The following PHKB variants were observed in gnomAD, a reference collection of about 807,000 sequenced individuals.
PHKB encodes the protein phosphorylase kinase regulatory subunit beta.
PHKB carries 122 observed loss-of-function variants against 152.1 expected under a neutral mutation model. The observed-to-expected ratio is 0.80, with a 90% CI of 0.69 to 0.93. The LOEUF is 0.93. Among genes scored for constraint, PHKB ranks in the 40% least tolerant of loss-of-function variants. PHKB has a pLI of 0.00. For missense variants in PHKB, 1,304 were observed against 1,328.4 expected (o/e 0.98, Z 0.29); for synonymous variants, 436 against 464.9 (o/e 0.94, Z 0.80).
intron 7 of PHKB, among the ~76,000 whole-genome samples, chr16:47,548,606 C>CAAA (rs11333810): frequency 1.2e-5 from 1 of 83,548 alleles, no homozygotes; most frequent in Non-Finnish European, 2.8e-5. Flanking sequence ...GACTCCGTCT[C>CAAA]AAAAAAAAAA....
intron 26 of PHKB, among the ~76,000 whole-genome samples, chr16:47,677,959 C>G (rs1469014069): frequency 6.9e-6 from 1 of 144,354 alleles, no homozygotes; most frequent in Non-Finnish European, 1.5e-5. Flanking sequence ...GTGATATTCC[C>G]CTTCCTGTGT....
intron 7 of PHKB, among the ~76,000 whole-genome samples, chr16:47,579,765 T>C (rs916597810): frequency 3.9e-5 from 6 of 152,058 alleles, no homozygotes; most frequent in African/African-American, 1.2e-4. Flanking sequence ...AAATAAGAGA[T>C]AAGGTGATCA....
intron 4 of PHKB, 130 bp from the exon 5 acceptor site, chr16:47,511,535 G>T: frequency 1.4e-6 from 1 of 697,082 alleles, no homozygotes; most frequent in Non-Finnish European, 2.6e-6. Context: ...AAAAGGTAAC[G>T]TTTCTGCTTT....
chr16:47,584,463 T>G (rs1971902604), intron 8 of PHKB, among the ~76,000 whole-genome samples: 1 of 152,234 alleles, frequency 6.6e-6, no homozygotes, highest in Admixed American at 6.5e-5. Flanking sequence ...AAATTTATCT[T>G]TCTCTGTAGT....
chr16:47,515,122 G>T (rs763153811), intron 5 of PHKB, among the ~76,000 whole-genome samples: 1 of 152,166 alleles, frequency 6.6e-6, no homozygotes, highest in Non-Finnish European at 1.5e-5. Flanking sequence ...CATACTGCCT[G>T]TGGGGCCAGA....
At chr16:47,573,005 C>G (rs1567311469) in intron 7 of PHKB, among the ~76,000 whole-genome samples, 1 of 152,122 alleles carries the variant, frequency 6.6e-6, no homozygotes, top group Non-Finnish European at 1.5e-5. Context: ...GAGTGGGCAC[C>G]ATACTGGATG....
At chr16:47,641,226 C>A in intron 15 of PHKB, 136 bp downstream of exon 15, 1 of 733,164 alleles carries the variant, frequency 1.4e-6, no homozygotes, top group Non-Finnish European at 2.4e-6. Context: ...TCAAGGATAT[C>A]ATTAATATCA....
chr16:47,611,599 G>A (rs1162955176), intron 14 of PHKB, among the ~76,000 whole-genome samples: 1 of 151,970 alleles, frequency 6.6e-6, no homozygotes, highest in African/African-American at 2.4e-5. Context: ...TGGTATCAAC[G>A]CTTACAGAAG....
At chr16:47,584,210 CAT>C (rs1971898466) in intron 8 of PHKB, among the ~76,000 whole-genome samples, 2 of 151,990 alleles carry the variant, frequency 1.3e-5, no homozygotes, top group African/African-American at 4.8e-5. Flanking sequence ...CATTTAGAAA[CAT>C]ATATAATCCT....
intron 7 of PHKB, chr16:47,566,271 T>C (rs1384161664): frequency 7.7e-6 from 7 of 907,392 alleles, no homozygotes; most frequent in East Asian, 7.4e-5. Flanking sequence ...TGAGTAGTCA[T>C]CAAAGCTGTC....
intron 6 of PHKB, among the ~76,000 whole-genome samples, chr16:47,528,562 T>A (rs1970804730): frequency 6.6e-6 from 1 of 152,176 alleles, no homozygotes; most frequent in South Asian, 2.1e-4. Flanking sequence ...ATTTTTTTTT[T>A]TCGTGTATTC....
At chr16:47,652,379 C>A (rs1251820872) in intron 20 of PHKB, among the ~76,000 whole-genome samples, 1 of 116,770 alleles carries the variant, frequency 8.6e-6, no homozygotes, top group Non-Finnish European at 1.9e-5. Flanking sequence ...CTCTAGTGGT[C>A]TTTTTTTTTT....
intron 6 of PHKB, among the ~76,000 whole-genome samples, chr16:47,544,313 A>G (rs1035542636): frequency 1.3e-5 from 2 of 152,212 alleles, no homozygotes; most frequent in Non-Finnish European, 2.9e-5. Context: ...GTTTCAAAGA[A>G]CATCTTTATT....
In PHKB at chr16:47,596,454, G is replaced by C; in HGVS notation, c.1286G>C (p.Arg429Pro). The change falls in exon 13 of 31, where the codon CGA becomes CCA. Residue 429 changes from arginine (R) to proline (P), a missense_variant. Arg to Pro is a moderately radical substitution (Grantham distance 103, BLOSUM62 -2). Transcript: ENST00000323584. Reference sequence around the variant, plus strand: ...AAAAATAACCCTGGTAGTCAAAAACGATTTCCTAGCAACTGTGGCCGTGAT... The same window carrying C: ...AAAAATAACCCTGGTAGTCAAAAACCATTTCCTAGCAACTGTGGCCGTGAT... ...YEKNNPGSQK[R>P]FPSNCGRDGK... 6.2e-7 allele frequency: 1 copy of C among 1,613,674 alleles called. No homozygotes were observed. Among genetic ancestry groups the C allele is most frequent in the South Asian group, 1.1e-5 (1 of 91,070 alleles).
chr16:47,600,988 G>A (rs1178490716), intron 13 of PHKB, among the ~76,000 whole-genome samples: 1 of 152,148 alleles, frequency 6.6e-6, no homozygotes, highest in East Asian at 1.9e-4. Flanking sequence ...GTGCCGCCAC[G>A]CCTGGCTAAT....
intron 1 of PHKB, among the ~76,000 whole-genome samples, chr16:47,478,858 C>G (rs771276953): frequency 1.3e-5 from 2 of 152,072 alleles, no homozygotes; most frequent in African/African-American, 2.4e-5. Context: ...GCATGGTGTT[C>G]TGGGCACACT....
intron 26 of PHKB, among the ~76,000 whole-genome samples, chr16:47,674,532 C>A (rs904928831): frequency 1.3e-5 from 2 of 152,116 alleles, no homozygotes; most frequent in Non-Finnish European, 2.9e-5. Flanking sequence ...ATTATGTTAA[C>A]CACACAAAAA....
At position 47,699,225 on chromosome 16, in the gene PHKB, G is replaced by A. The variant is rs1404875506; in HGVS notation, c.3145-4G>A. On this transcript the variant is annotated splice_region_variant and splice_polypyrimidine_tract_variant and intron_variant, in intron 30 of 30. Coordinates refer to ENST00000323584, the MANE Select transcript of PHKB (RefSeq NM_000293.3). Reference sequence around the variant, plus strand: ...AATGCCTTGCCTACTGTTTTCCTTTGTAGGATGACATGACTTCCTTTTACA... The same window carrying A: ...AATGCCTTGCCTACTGTTTTCCTTTATAGGATGACATGACTTCCTTTTACA... The A allele has an allele frequency of 1.2e-6, 2 of 1,613,936 alleles. No homozygotes were observed. Among genetic ancestry groups the A allele is most frequent in the Non-Finnish European group, 1.7e-6 (2 of 1,179,912 alleles).
At position 47,660,512 on chromosome 16, in the gene PHKB, A is replaced by C. The variant is rs1284786647; in HGVS notation, c.1978A>C (p.Ile660Leu). Reference sequence around the variant, plus strand: ...TTTTTCGATCACGTTTCAGACACTAATATCTGGAGCTGTGGTAGAACAACT... The same window carrying C: ...TTTTTCGATCACGTTTCAGACACTACTATCTGGAGCTGTGGTAGAACAACT... ...KVHVDRLQTL[I>L]SGAVVEQLDF... Residue 660 changes from isoleucine (I) to leucine (L), a missense_variant, in exon 21 of 31, where the codon ATA (isoleucine) becomes CTA (leucine). By Grantham distance (5) the Ile-to-Leu change is conservative. Coordinates refer to ENST00000323584, the MANE Select transcript of PHKB (RefSeq NM_000293.3). 1 of 1,613,010 alleles carries C rather than the reference A, an allele frequency of 6.2e-7. No individual in the cohort carries two copies. Among genetic ancestry groups the C allele is most frequent in the East Asian group, 2.2e-5 (1 of 44,860 alleles).
Sources: gnomAD v4.1 joint callset for allele counts (sites outside exome capture counted in the v4.1 genomes callset) on GRCh38, gnomAD v4.1.1 for gene constraint, MANE v1.5 for transcripts, NCBI Gene and HGNC (gene_info 2026-07-23, HGNC 2026-07-21) for gene names.